PAN3: variants seen among roughly 807,000 people sequenced by gnomAD.
PAN3 encodes the protein poly(A) specific ribonuclease subunit PAN3, also known as PAN2-PAN3 deadenylation complex subunit PAN3.
A neutral mutation model predicts 96.2 loss-of-function variants in PAN3; 19 were observed. The observed-to-expected ratio is 0.20, with a 90% CI of 0.14 to 0.29. PAN3 has a LOEUF of 0.29. Among genes scored for constraint, PAN3 ranks in the 10% least tolerant of loss-of-function variants. PAN3 has a pLI of 1.00. For synonymous variants in PAN3, 433 were observed against 406.6 expected, an observed-to-expected ratio of 1.06 and a Z score of -0.78; for missense variants, 882 against 1,108.1, an observed-to-expected ratio of 0.80 and a Z score of 2.90.
intron 1 of PAN3, among the ~76,000 whole-genome samples, chr13:28,146,323 T>TCTCTCTCA (rs1870639445): frequency 6.6e-6 from 1 of 151,782 alleles, no homozygotes; most frequent in African/African-American, 2.4e-5. Flanking sequence ...TCTCTCTCTC[T>TCTCTCTCA]CTCATATTAG....
intron 6 of PAN3, 113 bp from the exon 7 acceptor site, chr13:28,256,179 T>TA (rs1163646281): frequency 1.9e-5 from 22 of 1,159,636 alleles, no homozygotes; most frequent in Non-Finnish European, 2.3e-5. Context: ...TCTTTGCACT[T>TA]ACGATCCCAA....
intron 6 of PAN3, among the ~76,000 whole-genome samples, chr13:28,231,808 G>T (rs368469034): frequency 6.6e-6 from 1 of 152,118 alleles, no homozygotes. Context: ...AGCTTGAGGC[G>T]GGAGGATTGA....
intron 1 of PAN3, among the ~76,000 whole-genome samples, chr13:28,151,869 G>A (rs1008149645): frequency 1.3e-5 from 2 of 152,138 alleles, no homozygotes; most frequent in Admixed American, 1.3e-4. Flanking sequence ...TTCAAGTGGA[G>A]ATTTTGAGGA....
intron 1 of PAN3, among the ~76,000 whole-genome samples, chr13:28,143,816 G>C (rs1870193111): frequency 6.6e-6 from 1 of 152,186 alleles, no homozygotes; most frequent in South Asian, 2.1e-4. Context: ...ATGGAGGAGA[G>C]CAGTGCCATG....
intron 1 of PAN3, among the ~76,000 whole-genome samples, chr13:28,157,763 A>G (rs976739728): frequency 2.0e-5 from 3 of 152,252 alleles, no homozygotes; most frequent in East Asian, 1.9e-4. Context: ...AATATTGTTA[A>G]AATGGCCATA....
chr13:28,287,386 C>A (rs888338070), intron 17 of PAN3, among the ~76,000 whole-genome samples: 1 of 152,152 alleles, frequency 6.6e-6, no homozygotes, highest in Admixed American at 6.5e-5. Flanking sequence ...TAGATAAATT[C>A]ATCTTCGTTT....
intron 6 of PAN3, among the ~76,000 whole-genome samples, chr13:28,233,611 G>A (rs1882812493): frequency 6.6e-6 from 1 of 152,108 alleles, no homozygotes. Context: ...TATTTTGTTT[G>A]GAGGAAAAGT....
rs1566234742 is a variant in PAN3 at position 28,257,690 on chromosome 13, A to AAATATATATTATATATATTATATATAATT, written c.1248+1169_1248+1197dup. Reference sequence around the variant, plus strand: ...TATATGTAAAGTTATTAAATTATATAAATATATATTATATATATTATATAT... The same window carrying AAATATATATTATATATATTATATATAATT: ...TATATGTAAAGTTATTAAATTATATAAATATATATTATATATATTATATATAATTAATATATATTATATATATTATATAT... On this transcript the variant is annotated intron_variant, in intron 7 of 18. Coordinates refer to ENST00000380958, the MANE Select transcript of PAN3 (RefSeq NM_175854.8). 2.1e-3 allele frequency among the ~76,000 whole-genome samples: 291 copies of AAATATATATTATATATATTATATATAATT among 138,752 alleles called. 1 individual carries two copies. Among genetic ancestry groups the AAATATATATTATATATATTATATATAATT allele is most frequent in the African/African-American group, 7.3e-3 (265 of 36,078 alleles). The allele number at this position is 138,752 out of a possible 152,430, so 91.0% of individuals were successfully genotyped here.
intron 1 of PAN3, among the ~76,000 whole-genome samples, chr13:28,156,809 A>C (rs1872225830): frequency 6.6e-6 from 1 of 152,080 alleles, no homozygotes; most frequent in African/African-American, 2.4e-5. Context: ...CCTGTGTAAC[A>C]TGGTGAGTAC....
chr13:28,272,131 C>T (rs759923739), intron 14 of PAN3, 60 bp downstream of exon 14: 44 of 1,237,822 alleles, frequency 3.6e-5, no homozygotes, highest in South Asian at 8.7e-5. Context: ...AAATTTTGTT[C>T]ATTTTAAAGT....
chr13:28,200,543 G>A (rs1878572564), intron 5 of PAN3, among the ~76,000 whole-genome samples: 1 of 152,096 alleles, frequency 6.6e-6, no homozygotes, highest in Admixed American at 6.6e-5. Flanking sequence ...CTTTCAAGAG[G>A]CTTATGATTC....
chr13:28,193,636 C>T (rs1324075795), intron 4 of PAN3, among the ~76,000 whole-genome samples: 4 of 148,368 alleles, frequency 2.7e-5, no homozygotes, highest in African/African-American at 9.9e-5. Flanking sequence ...CCAGCTCCTA[C>T]GGAGGCTGAG....
chr13:28,164,002 A>C (rs1004275156), intron 1 of PAN3, among the ~76,000 whole-genome samples: 13 of 152,108 alleles, frequency 8.5e-5, no homozygotes, highest in African/African-American at 2.9e-4. Context: ...CTGAGGTGGG[A>C]GGATTTCCTC....
chr13:28,269,620 A>G (rs1006111835), intron 12 of PAN3, among the ~76,000 whole-genome samples: 1 of 149,726 alleles, frequency 6.7e-6, no homozygotes, highest in Non-Finnish European at 1.5e-5. Context: ...GTTTGCTGCA[A>G]AAACTCTTGT....
rs546037322 is a variant in PAN3, at chr13:28,157,199, A to G, written c.431-17073A>G. 3.9e-5 allele frequency among the ~76,000 whole-genome samples: 6 copies of G among 152,190 alleles called. No individual in the cohort carries two copies. The South Asian group carries it at 8.3e-4, about 21-fold the overall frequency. On this transcript the variant is annotated intron_variant, in intron 1 of 18. Transcript: ENST00000380958. ...CATCCCTTCATGTTAAAAACCCTCA[A>G]TAAACTAGGCATTGAAGGAACACAC...
At chr13:28,161,694 T>C (rs1872903673) in intron 1 of PAN3, among the ~76,000 whole-genome samples, 1 of 152,204 alleles carries the variant, frequency 6.6e-6, no homozygotes, top group Non-Finnish European at 1.5e-5. Context: ...GAATTGAGAA[T>C]TTGAACTTGT....
In PAN3 at chr13:28,267,195, A is replaced by G; in HGVS notation, c.1674A>G (p.Lys558=). The change falls in exon 11 of 19, where the codon AAA becomes AAG. Residue 558 remains lysine (K), a synonymous_variant. Coordinates refer to ENST00000380958, the MANE Select transcript of PAN3 (RefSeq NM_175854.8). The part of the protein sequence containing the change: ...IVTLREVFTT[K]AFAEPSLVFA... Reference sequence around the variant, plus strand: ...CTTTGCGTGAAGTATTTACCACTAAAGCATTTGCTGAGCCCTGTGAGTAAC... The same window carrying G: ...CTTTGCGTGAAGTATTTACCACTAAGGCATTTGCTGAGCCCTGTGAGTAAC... The G allele has an allele frequency of 6.2e-7, 1 of 1,613,414 alleles. No homozygotes were observed. The highest frequency in any genetic ancestry group is 8.5e-7 in the Non-Finnish European group (1 of 1,179,412).
intron 4 of PAN3, among the ~76,000 whole-genome samples, chr13:28,187,479 G>A (rs1215070664): frequency 6.6e-5 from 10 of 152,120 alleles, no homozygotes; most frequent in Admixed American, 3.9e-4. Flanking sequence ...GAAATTGAAT[G>A]TGCCCTTGCA....
intron 1 of PAN3, among the ~76,000 whole-genome samples, chr13:28,154,403 C>G (rs1555269255): frequency 6.6e-6 from 1 of 151,544 alleles, no homozygotes; most frequent in African/African-American, 2.4e-5. Context: ...TTTTTTCTTA[C>G]TATAGGCCTT....
Sources: gnomAD v4.1 joint callset for allele counts (sites outside exome capture counted in the v4.1 genomes callset) on GRCh38, gnomAD v4.1.1 for gene constraint, MANE v1.5 for transcripts, NCBI Gene and HGNC (gene_info 2026-07-23, HGNC 2026-07-21) for gene names.